PDE4D: variants seen among roughly 807,000 people sequenced by gnomAD.
PDE4D encodes the protein 3',5'-cyclic-AMP phosphodiesterase 4D.
In PDE4D, 24 loss-of-function variants were observed where a neutral mutation model predicts 87.4. The ratio of observed to expected loss-of-function variants is 0.27; its 90% CI spans 0.20 to 0.39. The LOEUF (loss-of-function observed/expected upper bound fraction) is 0.39. Ranked by LOEUF, PDE4D falls within the 10% of genes least tolerant of loss-of-function variation. The pLI is 1.00. For missense variants in PDE4D, 714 were observed against 1,041.0 expected, an observed-to-expected ratio of 0.69 and a Z score of 4.32; for synonymous variants, 384 against 383.2, an observed-to-expected ratio of 1.00 and a Z score of -0.02.
intron 2 of PDE4D, among the ~76,000 whole-genome samples, chr5:60,039,967 T>G (rs1302050754): frequency 6.6e-6 from 1 of 152,242 alleles, no homozygotes; most frequent in Non-Finnish European, 1.5e-5. Flanking sequence ...ATATTGCAAG[T>G]ATTTTATTTT....
chr5:60,160,538 G>T (rs1268369093), intron 2 of PDE4D, among the ~76,000 whole-genome samples: 5 of 152,074 alleles, frequency 3.3e-5, no homozygotes, highest in African/African-American at 1.2e-4. Flanking sequence ...GGACCAGAGT[G>T]TGAAAAACAC....
At chr5:59,161,069 T>C (rs1000551349) in intron 5 of PDE4D, among the ~76,000 whole-genome samples, 4 of 152,202 alleles carry the variant, frequency 2.6e-5, no homozygotes, top group African/African-American at 9.7e-5. Context: ...CACTCCAGCC[T>C]GGGCAACAGA....
chr5:59,712,632 T>A (rs982138576), intron 1 of PDE4D, among the ~76,000 whole-genome samples: 14 of 150,136 alleles, frequency 9.3e-5, no homozygotes, highest in African/African-American at 3.4e-4. Flanking sequence ...AAGCTATTTT[T>A]AAAAATATAA....
chr5:60,426,385 A>T (rs528337740), intron 1 of PDE4D, among the ~76,000 whole-genome samples: 1 of 152,330 alleles, frequency 6.6e-6, no homozygotes, highest in East Asian at 1.9e-4. Context: ...TTTCAGGGAC[A>T]TGGATGAAGC....
At chr5:59,043,656 T>C (rs1034000469) in intron 5 of PDE4D, among the ~76,000 whole-genome samples, 6 of 152,184 alleles carry the variant, frequency 3.9e-5, no homozygotes, top group South Asian at 2.1e-4. Context: ...GCTGCACCCA[T>C]TAACTCCTCA....
intron 2 of PDE4D, among the ~76,000 whole-genome samples, chr5:60,023,504 C>A (rs1162013443): frequency 6.6e-6 from 1 of 152,142 alleles, no homozygotes; most frequent in Admixed American, 6.6e-5. Flanking sequence ...CATTTCCCCA[C>A]TAACAATGTC....
chr5:59,961,578 G>A (rs997470378), intron 3 of PDE4D, among the ~76,000 whole-genome samples: 4 of 152,112 alleles, frequency 2.6e-5, no homozygotes, highest in African/African-American at 9.7e-5. Context: ...CTCAGGAAAG[G>A]AACACATCTG....
Position 59,284,566 on chromosome 5 carries a change from G to C in PDE4D, c.456-68598C>G, listed in dbSNP as rs567407297. Among the ~76,000 whole-genome samples, 3 of 149,770 alleles carry C rather than the reference G, an allele frequency of 2.0e-5. No individual in the cohort carries two copies. In the East Asian group the frequency reaches 6.0e-4, roughly 30 times the overall value. ...TCATTAAAAAGTCAGGAAACAACAG[G>C]TGCTGGAGAGGATGTGGAGAAATAG... On this transcript the variant is annotated intron_variant, in intron 1 of 14. Coordinates refer to ENST00000340635, the MANE Select transcript of PDE4D (RefSeq NM_001104631.2).
chr5:60,126,946 A>G (rs1779169930), intron 2 of PDE4D, among the ~76,000 whole-genome samples: 1 of 152,338 alleles, frequency 6.6e-6, no homozygotes, highest in East Asian at 1.9e-4. Flanking sequence ...TGATAAGTAC[A>G]GTGAAAGAAG....
At chr5:59,017,373 G>C (rs1408122327) in intron 6 of PDE4D, among the ~76,000 whole-genome samples, 1 of 152,320 alleles carries the variant, frequency 6.6e-6, no homozygotes, top group East Asian at 1.9e-4. Flanking sequence ...GATGATCAAT[G>C]TCTAGGATGG....
chr5:59,535,101 T>G (rs915795559), intron 1 of PDE4D, among the ~76,000 whole-genome samples: 1 of 151,134 alleles, frequency 6.6e-6, no homozygotes, highest in African/African-American at 2.4e-5. Context: ...CTATCATGTA[T>G]CTAGCTGATT....
chr5:60,329,143 A>C (rs1315297868), intron 1 of PDE4D, among the ~76,000 whole-genome samples: 4 of 152,068 alleles, frequency 2.6e-5, no homozygotes, highest in Admixed American at 2.0e-4. Flanking sequence ...TTATCCTATT[A>C]ATGTGGTTTA....
chr5:60,056,327 C>A (rs1213174796), intron 2 of PDE4D, among the ~76,000 whole-genome samples: 1 of 152,014 alleles, frequency 6.6e-6, no homozygotes, highest in African/African-American at 2.4e-5. Context: ...CACCAACCCC[C>A]AAACAAGTTT....
intron 1 of PDE4D, among the ~76,000 whole-genome samples, chr5:59,317,895 T>A (rs542025443): frequency 6.6e-6 from 1 of 152,318 alleles, no homozygotes; most frequent in African/African-American, 2.4e-5. Context: ...TCTGTTACGA[T>A]GGTTGACTCA....
At chr5:59,999,696 G>A (rs1305349307) in intron 2 of PDE4D, among the ~76,000 whole-genome samples, 3 of 151,418 alleles carry the variant, frequency 2.0e-5, no homozygotes, top group Non-Finnish European at 4.4e-5. Flanking sequence ...AAAGAAACAG[G>A]GAAACATGAC....
chr5:59,742,367 C>G (rs574207264), intron 1 of PDE4D, among the ~76,000 whole-genome samples: 75 of 152,186 alleles, frequency 4.9e-4, no homozygotes, highest in African/African-American at 1.5e-3. Context: ...TCTGGCCATC[C>G]TTTTTGCATA....
chr5:60,155,519 A>G (rs1781891855), intron 2 of PDE4D, among the ~76,000 whole-genome samples: 2 of 152,202 alleles, frequency 1.3e-5, no homozygotes, highest in Non-Finnish European at 2.9e-5. Flanking sequence ...TCAATCATTC[A>G]TATGAGATGA....
intron 2 of PDE4D, among the ~76,000 whole-genome samples, chr5:60,070,381 A>G (rs966144527): frequency 6.6e-6 from 1 of 152,074 alleles, no homozygotes; most frequent in Non-Finnish European, 1.5e-5. Context: ...ATTTGACATA[A>G]TCTATTACTA....
intron 1 of PDE4D, chr5:60,372,785 T>C (rs1001850377): frequency 1.3e-5 from 2 of 152,244 alleles, no homozygotes; most frequent in Non-Finnish European, 2.9e-5. Context: ...TCTTACCTCT[T>C]AAAATTGTTG....
Sources: gnomAD v4.1 joint callset for allele counts (sites outside exome capture counted in the v4.1 genomes callset) on GRCh38, gnomAD v4.1.1 for gene constraint, MANE v1.5 for transcripts, NCBI Gene and HGNC (gene_info 2026-07-23, HGNC 2026-07-21) for gene names.